The following SLIT3 variants were observed in gnomAD, a reference collection of about 807,000 sequenced individuals.
SLIT3 encodes slit homolog 3 protein.
Under a neutral mutation model 184.0 loss-of-function variants are expected in SLIT3, and 68 were observed. The ratio of observed to expected loss-of-function variants is 0.37; its 90% confidence interval spans 0.30 to 0.45. The LOEUF (loss-of-function observed/expected upper bound fraction) is 0.45, where lower values mean the gene tolerates loss of function less well. Among genes scored for constraint, SLIT3 ranks in the 20% least tolerant of loss-of-function variants. The pLI is 1.00. For missense variants in SLIT3, 1,707 were observed against 2,026.0 expected (o/e 0.84, Z 3.02); for synonymous variants, 831 against 828.6 (o/e 1.00, Z -0.05).
chr5:168,728,349 C>A (rs1763200312), intron 20 of SLIT3, among the ~76,000 whole-genome samples: 1 of 149,654 alleles, frequency 6.7e-6, no homozygotes, highest in Non-Finnish European at 1.5e-5. Context: ...ACAATTAGAA[C>A]AAGTGACTGC....
intron 1 of SLIT3, among the ~76,000 whole-genome samples, chr5:169,281,479 C>T (rs1302267797): frequency 2.6e-5 from 4 of 152,232 alleles, no homozygotes; most frequent in Admixed American, 6.5e-5. Flanking sequence ...TGTCTCAACT[C>T]GACCCAGCTT....
At chr5:168,864,827 T>C (rs1185160444) in intron 5 of SLIT3, among the ~76,000 whole-genome samples, 2 of 152,226 alleles carry the variant, frequency 1.3e-5, no homozygotes, top group Admixed American at 1.3e-4. Flanking sequence ...TTCCCTACTC[T>C]GGTATTTGCC....
At chr5:169,151,277 G>A (rs1350795383) in intron 4 of SLIT3, among the ~76,000 whole-genome samples, 6 of 152,144 alleles carry the variant, frequency 3.9e-5, no homozygotes, top group Non-Finnish European at 1.5e-5. Context: ...TGCCGCCTGG[G>A]AGTGTATTTC....
chr5:169,186,967 A>G (rs956938092), intron 4 of SLIT3, among the ~76,000 whole-genome samples: 2 of 151,898 alleles, frequency 1.3e-5, no homozygotes, highest in African/African-American at 4.8e-5. Context: ...AGTCACTTGC[A>G]ACTCCACTGC....
intron 6 of SLIT3, among the ~76,000 whole-genome samples, chr5:168,841,972 A>C (rs893737404): frequency 9.9e-5 from 15 of 152,110 alleles, no homozygotes; most frequent in African/African-American, 2.4e-4. Flanking sequence ...CTCCTCTTTC[A>C]CTCAGAAATT....
intron 12 of SLIT3, among the ~76,000 whole-genome samples, chr5:168,785,489 TCAAGGTCACATGTC>T (rs1165540561): frequency 6.6e-6 from 1 of 152,248 alleles, no homozygotes; most frequent in African/African-American, 2.4e-5. Context: ...CGACCCCTCT[TCAAGGTCACATGTC>T]CATCAGCAGC....
At chr5:168,945,529 CCCGGCCCAGTAT>C (rs1762447694) in intron 4 of SLIT3, among the ~76,000 whole-genome samples, 1 of 152,368 alleles carries the variant, frequency 6.6e-6, no homozygotes, top group South Asian at 2.1e-4. Context: ...AGCCACCACG[CCCGGCCCAGTAT>C]CCGGTCTTAG....
At chr5:168,938,832 T>C (rs906063325) in intron 4 of SLIT3, among the ~76,000 whole-genome samples, 1 of 152,138 alleles carries the variant, frequency 6.6e-6, no homozygotes, top group African/African-American at 2.4e-5. Context: ...GGTTTCACCA[T>C]GCTGACCAGG....
intron 5 of SLIT3, among the ~76,000 whole-genome samples, chr5:168,859,403 A>G (rs1759023309): frequency 6.7e-6 from 1 of 149,768 alleles, no homozygotes; most frequent in Non-Finnish European, 1.5e-5. Flanking sequence ...ATTTTTTTCA[A>G]GATAAAAGCC....
chr5:168,667,378 T>G (rs1259244199), intron 35 of SLIT3, among the ~76,000 whole-genome samples: 1 of 152,190 alleles, frequency 6.6e-6, no homozygotes, highest in Non-Finnish European at 1.5e-5. Flanking sequence ...TATAAGACAT[T>G]TGTATTCAAA....
intron 4 of SLIT3, among the ~76,000 whole-genome samples, chr5:169,124,521 CT>C (rs1761005069): frequency 1.3e-5 from 2 of 152,074 alleles, no homozygotes; most frequent in South Asian, 4.1e-4. Flanking sequence ...CACTTCACCC[CT>C]TCTAAACTAG....
intron 14 of SLIT3, among the ~76,000 whole-genome samples, chr5:168,770,278 C>A (rs886382539): frequency 6.6e-6 from 1 of 152,230 alleles, no homozygotes; most frequent in Non-Finnish European, 1.5e-5. Flanking sequence ...GACGCCCTGC[C>A]TAAGGAGGGG....
At chr5:168,896,496 A>G (rs1185534075) in intron 4 of SLIT3, among the ~76,000 whole-genome samples, 4 of 152,180 alleles carry the variant, frequency 2.6e-5, no homozygotes, top group African/African-American at 9.7e-5. Flanking sequence ...ACAGAGGAAC[A>G]CTAAGACTGT....
rs185577520 is a variant in SLIT3 at position 168,684,156 on chromosome 5, C to T, written c.3556-60G>A. On this transcript the variant is annotated intron_variant, in intron 31 of 35. Transcript: ENST00000519560. ...TTACCTGAGACTGAACCTTCCCTGCCCATCTCACAGAGCCCTCTTCCAGGC... is the reference window on the plus strand; with the variant it reads ...TTACCTGAGACTGAACCTTCCCTGCTCATCTCACAGAGCCCTCTTCCAGGC... The T allele has an allele frequency of 3.9e-4, 564 of 1,449,742 alleles. 1 individual carries two copies. In the African/African-American group the frequency reaches 6.6e-3, roughly 17 times the overall value. The allele number at this position is 1,449,742 out of a possible 1,614,324, so 89.8% of individuals were successfully genotyped here.
At chr5:168,880,892 G>C (rs1759925974) in intron 5 of SLIT3, among the ~76,000 whole-genome samples, 1 of 152,146 alleles carries the variant, frequency 6.6e-6, no homozygotes, top group Non-Finnish European at 1.5e-5. Flanking sequence ...ATGTTGATTG[G>C]TACTTTACTA....
chr5:168,688,283 G>A (rs2113236566), intron 29 of SLIT3, among the ~76,000 whole-genome samples: 1 of 152,346 alleles, frequency 6.6e-6, no homozygotes, highest in East Asian at 1.9e-4. Context: ...CCAAGTCAGA[G>A]GAGGAGGCGG....
At chr5:169,111,113 C>T (rs1451212725) in intron 4 of SLIT3, among the ~76,000 whole-genome samples, 1 of 152,202 alleles carries the variant, frequency 6.6e-6, no homozygotes, top group Non-Finnish European at 1.5e-5. Context: ...TTTTTCACCT[C>T]GTCTCTACCT....
intron 3 of SLIT3, among the ~76,000 whole-genome samples, chr5:169,232,787 G>A (rs1765052314): frequency 6.6e-6 from 1 of 152,082 alleles, no homozygotes; most frequent in Non-Finnish European, 1.5e-5. Context: ...ATAAATTTTA[G>A]CATCATCTTA....
intron 4 of SLIT3, among the ~76,000 whole-genome samples, chr5:169,088,293 T>C (rs1401702199): frequency 6.6e-6 from 1 of 152,120 alleles, no homozygotes; most frequent in Non-Finnish European, 1.5e-5. Flanking sequence ...TCACGGTGTT[T>C]CAGAAGACAC....
Sources: gnomAD v4.1 joint callset for allele counts (sites outside exome capture counted in the v4.1 genomes callset) on GRCh38, gnomAD v4.1.1 for gene constraint, MANE v1.5 for transcripts, NCBI Gene and HGNC (gene_info 2026-07-23, HGNC 2026-07-21) for gene names.